The following MYO16 variants were observed in gnomAD, a reference collection of about 807,000 sequenced individuals.
MYO16 encodes myosin XVI.
A neutral mutation model predicts 205.3 loss-of-function variants in MYO16; 94 were observed. That is an observed-to-expected ratio of 0.46 (90% CI 0.39 to 0.54). MYO16 has a LOEUF of 0.54. Ranked by LOEUF, MYO16 falls within the 20% of genes least tolerant of loss-of-function variation. MYO16 has a pLI of 0.00. For synonymous variants in MYO16, 988 were observed against 954.0 expected (o/e 1.04, Z -0.66); for missense variants, 2,315 against 2,387.5 (o/e 0.97, Z 0.63).
chr13:108,741,213 C>A (rs1162703996), intron 4 of MYO16, among the ~76,000 whole-genome samples: 1 of 152,196 alleles, frequency 6.6e-6, no homozygotes, highest in Non-Finnish European at 1.5e-5. Flanking sequence ...AATCACCCAT[C>A]TTCTGCGTCG....
At chr13:108,846,932 A>G (rs758970672) in intron 10 of MYO16, among the ~76,000 whole-genome samples, 7 of 152,132 alleles carry the variant, frequency 4.6e-5, no homozygotes, top group Middle Eastern at 3.2e-3. Flanking sequence ...AAATTATTGT[A>G]CATTTCTATT....
chr13:108,627,350 CTG>C (rs1879783147), upstream of MYO16, among the ~76,000 whole-genome samples: 2 of 152,116 alleles, frequency 1.3e-5, no homozygotes, highest in Admixed American at 1.3e-4. Context: ...TTTAAGAAAT[CTG>C]TGAATACATT....
At position 109,093,556 on chromosome 13, in the gene MYO16, A is replaced by G. The variant is rs562953954; in HGVS notation, c.3336-7229A>G. On this transcript the variant is annotated intron_variant, in intron 27 of 34. Transcript: ENST00000457511. ...CAGTATTTCCCTCCTGTTAAATAGC[A>G]TTAGTCTGGGGAATAAATGCTCTTC... Among the ~76,000 whole-genome samples, 138 of 152,250 alleles carry G rather than the reference A, an allele frequency of 9.1e-4. 1 individual carries two copies. The highest frequency in any genetic ancestry group is 3.1e-3 in the African/African-American group (129 of 41,532).
intron 6 of MYO16, among the ~76,000 whole-genome samples, chr13:108,799,712 G>A (rs73612410): frequency 0.031 from 4,686 of 152,262 alleles, 254 homozygotes; most frequent in African/African-American, 0.11. Context: ...GGTGTTAAGG[G>A]CTGTGAGTTT....
intron 17 of MYO16, among the ~76,000 whole-genome samples, chr13:108,960,108 T>C (rs944434790): frequency 6.6e-5 from 10 of 151,910 alleles, no homozygotes; most frequent in Non-Finnish European, 4.4e-5. Context: ...CCTCCATCTC[T>C]ACAATTTTTT....
At chr13:108,978,168 C>T (rs867728395) in intron 20 of MYO16, among the ~76,000 whole-genome samples, 22 of 152,002 alleles carry the variant, frequency 1.4e-4, no homozygotes, top group South Asian at 4.2e-4. Flanking sequence ...ATCCTGCTGA[C>T]TTTTCTTATT....
chr13:108,866,290 T>C, intron 12 of MYO16, 48 bp downstream of exon 12: 4 of 1,213,462 alleles, frequency 3.3e-6, no homozygotes, highest in Non-Finnish European at 4.7e-6. Context: ...AGTAATACTT[T>C]CTAGTCATAC....
chr13:108,886,583 G>A (rs1879900806), intron 13 of MYO16: 2 of 437,358 alleles, frequency 4.6e-6, no homozygotes, highest in Admixed American at 4.9e-5. Context: ...GCAAACTGCT[G>A]GCGGCTCCAC....
chr13:109,136,104 T>C (rs1352956084), intron 31 of MYO16, among the ~76,000 whole-genome samples: 1 of 151,820 alleles, frequency 6.6e-6, no homozygotes, highest in African/African-American at 2.4e-5. Flanking sequence ...CTTCCTTTTT[T>C]TGTTTTTGAG....
intron 24 of MYO16, among the ~76,000 whole-genome samples, chr13:109,052,079 C>T (rs1446294879): frequency 1.3e-5 from 2 of 152,128 alleles, no homozygotes; most frequent in Non-Finnish European, 2.9e-5. Context: ...GGGATCAAGA[C>T]TCCTGGTCAA....
intron 12 of MYO16, among the ~76,000 whole-genome samples, chr13:108,881,002 C>T (rs905747497): frequency 2.0e-5 from 3 of 152,138 alleles, no homozygotes; most frequent in Admixed American, 6.5e-5. Flanking sequence ...CAAGTGGGTC[C>T]CTGACCCCTG....
At chr13:108,902,748 G>C (rs1880770772) in intron 15 of MYO16, among the ~76,000 whole-genome samples, 1 of 152,074 alleles carries the variant, frequency 6.6e-6, no homozygotes, top group African/African-American at 2.4e-5. Context: ...AAAGGACACT[G>C]GTCACATTGG....
intron 15 of MYO16, among the ~76,000 whole-genome samples, chr13:108,908,803 G>A (rs1881115788): frequency 6.6e-6 from 1 of 151,704 alleles, no homozygotes; most frequent in South Asian, 2.1e-4. Context: ...GCAAAAGCCT[G>A]TCTCTACTAA....
At chr13:108,642,685 T>G (rs1880560414) in intron 1 of MYO16, among the ~76,000 whole-genome samples, 1 of 152,192 alleles carries the variant, frequency 6.6e-6, no homozygotes, top group Admixed American at 6.5e-5. Context: ...CCCAAAGTGC[T>G]GGGATTACAG....
intron 1 of MYO16, among the ~76,000 whole-genome samples, chr13:108,633,955 C>G (rs1880104284): frequency 6.6e-6 from 1 of 152,154 alleles, no homozygotes; most frequent in African/African-American, 2.4e-5. Context: ...GCTGAAGCCA[C>G]TTCACTCCTT....
intron 4 of MYO16, 106 bp downstream of exon 4, chr13:108,727,689 A>G: frequency 1.6e-6 from 2 of 1,277,184 alleles, no homozygotes; most frequent in Non-Finnish European, 2.1e-6. Flanking sequence ...GTTGAGAAAA[A>G]TCTGCATATG....
chr13:108,881,880 T>G (rs1204494307), intron 12 of MYO16, among the ~76,000 whole-genome samples: 1 of 152,208 alleles, frequency 6.6e-6, no homozygotes, highest in South Asian at 2.1e-4. Flanking sequence ...GTTCAGGATA[T>G]TATCCAGGAG....
At chr13:108,502,644 T>G in the MYO16 span, among the ~76,000 whole-genome samples, 3 of 152,210 alleles carry the variant, frequency 2.0e-5, no homozygotes, top group Non-Finnish European at 4.4e-5. Flanking sequence ...TGGTACTGTG[T>G]GCCTTTAACG....
chr13:108,835,650 C>T (rs1472982526), intron 9 of MYO16, among the ~76,000 whole-genome samples: 1 of 152,132 alleles, frequency 6.6e-6, no homozygotes, highest in East Asian at 1.9e-4. Flanking sequence ...ATAGCTTTGA[C>T]CAAAATGCAG....
Sources: gnomAD v4.1 joint callset for allele counts (sites outside exome capture counted in the v4.1 genomes callset) on GRCh38, gnomAD v4.1.1 for gene constraint, MANE v1.5 for transcripts, NCBI Gene and HGNC (gene_info 2026-07-23, HGNC 2026-07-21) for gene names.